The following CORO1C variants were observed in gnomAD, a reference collection of about 807,000 sequenced individuals.
The protein encoded by CORO1C is coronin 1C, also known as coronin-1C.
Under a neutral mutation model 51.2 loss-of-function variants are expected in CORO1C, and 14 were observed. The observed-to-expected ratio is 0.27, with a 90% CI of 0.18 to 0.43. The LOEUF is 0.43. CORO1C is among the 20% of genes least tolerant of loss of function. The pLI is 1.00. For synonymous variants in CORO1C, 181 were observed against 210.5 expected (o/e 0.86, Z 1.21); for missense variants, 417 against 607.8 (o/e 0.69, Z 3.30).
chr12:108,679,475 T>A (rs1403736607), intron 2 of CORO1C, among the ~76,000 whole-genome samples: 1 of 152,242 alleles, frequency 6.6e-6, no homozygotes, highest in Non-Finnish European at 1.5e-5. Flanking sequence ...ACAATGGGTA[T>A]ATGAAAGTGG....
At chr12:108,707,830 T>C (rs567401736) in intron 1 of CORO1C, among the ~76,000 whole-genome samples, 2 of 152,322 alleles carry the variant, frequency 1.3e-5, no homozygotes, top group East Asian at 1.9e-4. Flanking sequence ...GGGACTTGAA[T>C]AGACATTTTC....
chr12:108,720,683 C>A (rs1196676532), intron 1 of CORO1C, among the ~76,000 whole-genome samples: 2 of 151,966 alleles, frequency 1.3e-5, no homozygotes, highest in African/African-American at 4.8e-5. Context: ...GCCACCACGC[C>A]CGGCTAATTT....
At chr12:108,649,493 T>A (rs1320502578) in intron 8 of CORO1C, 2 of 170,404 alleles carry the variant, frequency 1.2e-5, no homozygotes, top group Non-Finnish European at 2.6e-5. Flanking sequence ...AAGAAAACAA[T>A]CCTAGGATTA....
chr12:108,673,135 A>G (rs2033778504), intron 3 of CORO1C, among the ~76,000 whole-genome samples: 1 of 152,254 alleles, frequency 6.6e-6, no homozygotes, highest in Admixed American at 6.5e-5. Flanking sequence ...AAACAGGCCA[A>G]AAGCTAAGCG....
chr12:108,658,652 C>A lies in CORO1C; in HGVS notation c.630+86G>T. On this transcript the variant is annotated intron_variant, in intron 5 of 10. Coordinates refer to ENST00000261401, the MANE Select transcript of CORO1C (RefSeq NM_014325.4). The surrounding 1 kb of genome is among the most constrained non-coding windows in gnomAD (Gnocchi z 4.9). ...CTACACACAACAGGGTCCCACTGAC[C>A]AGTACCGCTGCCTGCCTTAAAAAGC... The A allele has an allele frequency of 7.3e-7, 1 of 1,374,470 alleles. No homozygotes were observed. Among genetic ancestry groups the A allele is most frequent in the Non-Finnish European group, 1.0e-6 (1 of 984,198 alleles). The allele number at this position is 1,374,470 out of a possible 1,614,324, so 85.1% of individuals were successfully genotyped here.
At chr12:108,700,254 C>A (rs1180639445) in intron 2 of CORO1C, among the ~76,000 whole-genome samples, 2 of 152,158 alleles carry the variant, frequency 1.3e-5, no homozygotes, top group Admixed American at 6.5e-5. Flanking sequence ...CACTGGAGCT[C>A]AGGACTCACC....
At chr12:108,718,884 A>G (rs1232789089) in intron 1 of CORO1C, among the ~76,000 whole-genome samples, 2 of 152,244 alleles carry the variant, frequency 1.3e-5, no homozygotes, top group Non-Finnish European at 2.9e-5. Flanking sequence ...CAATACCTTT[A>G]GAAGAAGGTC....
At chr12:108,689,997 T>G (rs539624673) in intron 2 of CORO1C, among the ~76,000 whole-genome samples, 1 of 152,332 alleles carries the variant, frequency 6.6e-6, no homozygotes, top group East Asian at 1.9e-4. Context: ...TTTTCCATTT[T>G]TTTCAACTTC....
chr12:108,714,397 CAAAAAAAA>C (rs34182326), intron 1 of CORO1C, among the ~76,000 whole-genome samples: 1 of 94,958 alleles, frequency 1.1e-5, no homozygotes, highest in Non-Finnish European at 2.1e-5. Context: ...GAGTCAGTCT[CAAAAAAAA>C]AAAAAAAAAA....
chr12:108,662,516 C>T (rs1265694679), intron 3 of CORO1C, among the ~76,000 whole-genome samples: 1 of 151,988 alleles, frequency 6.6e-6, no homozygotes, highest in Non-Finnish European at 1.5e-5. Context: ...ATCAGGATAC[C>T]AACAAGGACT....
At chr12:108,696,925 C>T (rs1417580989) in intron 2 of CORO1C, among the ~76,000 whole-genome samples, 2 of 152,224 alleles carry the variant, frequency 1.3e-5, no homozygotes, top group Non-Finnish European at 2.9e-5. Flanking sequence ...ACAAACACCT[C>T]ATAAACCATA....
chr12:108,651,651 C>A (rs2032662949), intron 8 of CORO1C, among the ~76,000 whole-genome samples: 2 of 152,228 alleles, frequency 1.3e-5, no homozygotes, highest in Non-Finnish European at 2.9e-5. Context: ...GAACGCTGAC[C>A]ATGGCCTCAG....
chr12:108,684,431 G>C (rs975550834), intron 2 of CORO1C, among the ~76,000 whole-genome samples: 3 of 152,102 alleles, frequency 2.0e-5, no homozygotes, highest in African/African-American at 7.2e-5. Context: ...AGGTGGTCTG[G>C]GTGAGAGAGA....
intron 1 of CORO1C, among the ~76,000 whole-genome samples, chr12:108,703,979 G>T (rs963456763): frequency 6.6e-6 from 1 of 152,168 alleles, no homozygotes; most frequent in Non-Finnish European, 1.5e-5. Flanking sequence ...TCAGCTTTTA[G>T]AACCTCACTT....
chr12:108,674,738 G>C (rs1480301218), intron 3 of CORO1C, among the ~76,000 whole-genome samples: 1 of 152,164 alleles, frequency 6.6e-6, no homozygotes, highest in Non-Finnish European at 1.5e-5. Context: ...GCCTCAAGAT[G>C]TGAGTGAATT....
chr12:108,693,511 A>T (rs897275427), intron 2 of CORO1C, among the ~76,000 whole-genome samples: 7 of 152,254 alleles, frequency 4.6e-5, no homozygotes, highest in African/African-American at 1.7e-4. Flanking sequence ...CATAACAATC[A>T]AGGAAAATAC....
intron 1 of CORO1C, among the ~76,000 whole-genome samples, chr12:108,721,366 G>A (rs746463210): frequency 6.6e-6 from 1 of 152,064 alleles, no homozygotes; most frequent in Non-Finnish European, 1.5e-5. Context: ...CCTCAGGCAG[G>A]ATCTCACTCC....
At chr12:108,729,790 A>C (rs1283331610) in intron 1 of CORO1C, among the ~76,000 whole-genome samples, 1 of 152,244 alleles carries the variant, frequency 6.6e-6, no homozygotes, top group Non-Finnish European at 1.5e-5. Flanking sequence ...GGAATGCAGA[A>C]AGTGAATTAA....
chr12:108,665,052 T>C (rs1012565387), intron 3 of CORO1C, among the ~76,000 whole-genome samples: 2 of 152,316 alleles, frequency 1.3e-5, no homozygotes, highest in Middle Eastern at 6.8e-3. Context: ...AAAACGCCTC[T>C]GTGTCTCACT....
Sources: allele counts gnomAD v4.1 joint callset (sites outside exome capture counted in the v4.1 genomes callset), GRCh38; gene constraint gnomAD v4.1.1; non-coding constraint Gnocchi (gnomAD v3.1); transcripts MANE v1.5; gene names NCBI Gene and HGNC (gene_info 2026-07-23, HGNC 2026-07-21).